SUGP1: variants seen among roughly 807,000 people sequenced by gnomAD.
SUGP1 encodes SURP and G-patch domain containing 1, also known as SURP and G-patch domain-containing protein 1.
In SUGP1, 34 loss-of-function variants were observed where a neutral mutation model predicts 76.5. The observed-to-expected ratio is 0.44, with a 90% confidence interval of 0.34 to 0.59. The LOEUF (loss-of-function observed/expected upper bound fraction) is 0.59. SUGP1 is among the 20% of genes least tolerant of loss of function. SUGP1 has a pLI of 0.01. For synonymous variants in SUGP1, 326 were observed against 326.2 expected (o/e 1.00, Z 0.01); for missense variants, 752 against 851.7 (o/e 0.88, Z 1.46).
chr19:19,306,921 A>G (rs990784792), intron 3 of SUGP1, among the ~76,000 whole-genome samples: 1 of 152,180 alleles, frequency 6.6e-6, no homozygotes, highest in Admixed American at 6.5e-5. Flanking sequence ...CTGGTGTGTG[A>G]CAGCTTCAGG....
chr19:19,279,536 G>A lies in SUGP1; in HGVS notation c.1351-146C>T, dbSNP rs1006400348. On this transcript the variant is annotated intron_variant, in intron 9 of 13. Transcript: ENST00000247001. ...GGGCAGGACTGGAGCAAGGACTCTA[G>A]CAAGTACTGAGTACTGCCCTGGGTT... 9.4e-6 allele frequency: 8 copies of A among 854,186 alleles called. No individual in the cohort carries two copies. The African/African-American group carries it at 1.0e-4, about 11-fold the overall frequency. 52.9% of individuals were successfully genotyped at this position (854,186 alleles called of 1,614,324 possible). A position where few individuals can be genotyped will look rare whatever the true frequency, so the allele number is the denominator to read the frequency against.
chr19:19,297,393 G>T lies in SUGP1; in HGVS notation c.888-49C>A, dbSNP rs1440619106. On this transcript the variant is annotated intron_variant, in intron 7 of 13. Coordinates refer to ENST00000247001, the MANE Select transcript of SUGP1 (RefSeq NM_172231.4). The stretch of plus-strand genomic sequence containing the variant: ...CAGTGTCAGCTGGGCCCGAGGCCCT[G>T]TCCCTGATTCTGGGCAGGAGCAGTT... 3.3e-6 allele frequency: 4 copies of T among 1,223,644 alleles called. No individual in the cohort carries two copies. The African/African-American group carries it at 7.2e-5, about 22-fold the overall frequency. The allele number at this position is 1,223,644 out of a possible 1,614,324, so 75.8% of individuals were successfully genotyped here. A position where few individuals can be genotyped will look rare whatever the true frequency, so the allele number is the denominator to read the frequency against.
rs541098072 is a variant in SUGP1 at position 19,312,713 on chromosome 19, C to T, written c.207-2513G>A. Among the ~76,000 whole-genome samples the T allele has an allele frequency of 6.6e-5, 10 of 152,236 alleles. No individual in the cohort carries two copies. In the South Asian group the frequency reaches 2.1e-3, roughly 32 times the overall value. The stretch of plus-strand genomic sequence containing the variant: ...ATGTTAAAGGAAAAACAAGGCCAGG[C>T]GCGGTGGCTCACGCCTGTAATCCCA... On this transcript the variant is annotated intron_variant, in intron 2 of 13. Coordinates refer to ENST00000247001, the MANE Select transcript of SUGP1 (RefSeq NM_172231.4).
rs185209891 is a variant in SUGP1, at chr19:19,289,876, G to A, written c.1243+7113C>T. ...CCCAGGGAGGGCATGGAAGCTCCACGCCCCTTCCCCCATACGTCGCCCTAT... is the reference window on the plus strand; with the variant it reads ...CCCAGGGAGGGCATGGAAGCTCCACACCCCTTCCCCCATACGTCGCCCTAT... On this transcript the variant is annotated intron_variant, in intron 8 of 13. Coordinates refer to ENST00000247001, the MANE Select transcript of SUGP1 (RefSeq NM_172231.4). 2.2e-3 allele frequency among the ~76,000 whole-genome samples: 335 copies of A among 152,308 alleles called. 2 individuals carry two copies. The highest frequency in any genetic ancestry group is 7.7e-3 in the South Asian group (37 of 4,828).
At chr19:19,306,759 T>C (rs1468424887) in intron 3 of SUGP1, among the ~76,000 whole-genome samples, 1 of 152,184 alleles carries the variant, frequency 6.6e-6, no homozygotes, top group Non-Finnish European at 1.5e-5. Context: ...TGCACAGGCA[T>C]TGCTGCCCAC....
chr19:19,288,660 G>C (rs2061159462), intron 8 of SUGP1, among the ~76,000 whole-genome samples: 1 of 152,112 alleles, frequency 6.6e-6, no homozygotes, highest in South Asian at 2.1e-4. Flanking sequence ...GGAGCCTAAG[G>C]TGGAAGGATA....
chr19:19,318,208 C>A (rs1016069823), intron 1 of SUGP1, among the ~76,000 whole-genome samples: 1 of 149,352 alleles, frequency 6.7e-6, no homozygotes, highest in South Asian at 2.1e-4. Context: ...ATCTCCACCT[C>A]CAGAGTTCCA....
intron 10 of SUGP1, 95 bp downstream of exon 10, chr19:19,279,118 C>T: frequency 1.5e-6 from 2 of 1,364,384 alleles, no homozygotes; most frequent in African/African-American, 2.9e-5. Flanking sequence ...AGGATGGCAG[C>T]TCAAGACCAC....
chr19:19,320,397 G>A (rs141492283), intron 1 of SUGP1, 66 bp downstream of exon 1: 20,739 of 1,557,906 alleles, frequency 0.013, 181 homozygotes, highest in Non-Finnish European at 0.015. Flanking sequence ...CGGACCCGAG[G>A]AGTCAGGGGA....
intron 7 of SUGP1, among the ~76,000 whole-genome samples, chr19:19,297,944 C>T (rs1051941119): frequency 6.6e-6 from 1 of 152,204 alleles, no homozygotes; most frequent in African/African-American, 2.4e-5. Flanking sequence ...CCATGTTCCG[C>T]ACCTACTGGC....
chr19:19,317,808 CTTTTTTTTTT>C (rs781257871), intron 1 of SUGP1, among the ~76,000 whole-genome samples: 1 of 110,612 alleles, frequency 9.0e-6, no homozygotes, highest in South Asian at 3.5e-4. Context: ...GCCCCAGTGG[CTTTTTTTTTT>C]TTTTTTTTTT....
intron 7 of SUGP1, among the ~76,000 whole-genome samples, chr19:19,299,878 G>A (rs867912133): frequency 2.2e-4 from 33 of 151,910 alleles, no homozygotes; most frequent in Middle Eastern, 3.4e-3. Context: ...CGCAACCTCC[G>A]CCTGCCGGGT....
chr19:19,306,003 G>T lies in SUGP1; in HGVS notation c.384C>A (p.Ile128=), dbSNP rs1381110667. 1 of 1,612,018 alleles carries T rather than the reference G, an allele frequency of 6.2e-7. No individual in the cohort carries two copies. The highest frequency in any genetic ancestry group is 8.5e-7 in the Non-Finnish European group (1 of 1,179,712). ...TPSAGKRSLL[I]SRRTGLGLAS... is the part of the protein sequence containing the mutation. ...CCAGCCCCAGGCCTGTCCGCCTGCT[G>T]ATGAGCAGGGACCTCTTCCCAGCGC... is the stretch of plus-strand genomic sequence containing the variant. The change falls in exon 4 of 14, where the codon ATC becomes ATA. Residue 128 remains isoleucine, a synonymous_variant. Transcript: ENST00000247001.
intron 8 of SUGP1, among the ~76,000 whole-genome samples, chr19:19,295,259 T>C (rs1181723000): frequency 1.3e-5 from 2 of 149,896 alleles, no homozygotes; most frequent in African/African-American, 4.9e-5. Flanking sequence ...CATGGTGGTG[T>C]GTGCCTGTAG....
At chr19:19,294,398 C>T (rs1460153475) in intron 8 of SUGP1, among the ~76,000 whole-genome samples, 1 of 150,268 alleles carries the variant, frequency 6.7e-6, no homozygotes, top group Non-Finnish European at 1.5e-5. Flanking sequence ...CTGGCATGCA[C>T]TTGTAGTCCC....
intron 2 of SUGP1, among the ~76,000 whole-genome samples, chr19:19,313,855 T>G (rs2061370267): frequency 6.6e-6 from 1 of 151,706 alleles, no homozygotes; most frequent in African/African-American, 2.4e-5. Context: ...TACAAAAAAA[T>G]GGCCGGGCTC....
intron 4 of SUGP1, 59 bp from the exon 5 acceptor site, chr19:19,303,906 A>G: frequency 2.5e-6 from 4 of 1,609,924 alleles, no homozygotes; most frequent in Non-Finnish European, 3.4e-6. Flanking sequence ...CAATAGGCAC[A>G]CTCTCTCTAT....
At chr19:19,292,653 C>T (rs2061194716) in intron 8 of SUGP1, among the ~76,000 whole-genome samples, 1 of 150,936 alleles carries the variant, frequency 6.6e-6, no homozygotes, top group South Asian at 2.1e-4. Flanking sequence ...CAACAAAGAG[C>T]AAAACTCCAT....
chr19:19,290,566 C>T (rs957349433), intron 8 of SUGP1, among the ~76,000 whole-genome samples: 1 of 151,830 alleles, frequency 6.6e-6, no homozygotes, highest in African/African-American at 2.4e-5. Context: ...ATCACTTGAA[C>T]CTGGTAGGCA....
Sources: gnomAD v4.1 joint callset for allele counts (sites outside exome capture counted in the v4.1 genomes callset) on GRCh38, gnomAD v4.1.1 for gene constraint, MANE v1.5 for transcripts, NCBI Gene and HGNC (gene_info 2026-07-23, HGNC 2026-07-21) for gene names.